The following AOPEP variants were observed in gnomAD, a reference collection of about 807,000 sequenced individuals.
AOPEP encodes aminopeptidase O.
A neutral mutation model predicts 98.1 loss-of-function variants in AOPEP; 77 were observed. The ratio of observed to expected loss-of-function variants is 0.78; its 90% confidence interval spans 0.65 to 0.95. The LOEUF (loss-of-function observed/expected upper bound fraction) is 0.95, where lower values mean the gene tolerates loss of function less well. Ranked by LOEUF, AOPEP falls within the 40% of genes least tolerant of loss-of-function variation. The probability of loss-of-function intolerance (pLI) is 0.00; values close to 1 mark genes in which losing one functional copy is unlikely to be tolerated. For missense variants in AOPEP, 1,024 were observed against 1,024.7 expected (o/e 1.00, Z 0.01); for synonymous variants, 346 against 365.3 (o/e 0.95, Z 0.60).
intron 1 of AOPEP, among the ~76,000 whole-genome samples, chr9:94,758,963 A>T (rs961352370): frequency 2.6e-5 from 4 of 151,976 alleles, no homozygotes; most frequent in African/African-American, 9.7e-5. Context: ...TTGCCACAAG[A>T]AGGCTATTAT....
chr9:94,774,105 C>T (rs1564108709), intron 3 of AOPEP, among the ~76,000 whole-genome samples: 1 of 151,794 alleles, frequency 6.6e-6, no homozygotes, highest in Non-Finnish European at 1.5e-5. Flanking sequence ...ATGGCATCTC[C>T]TTTGAGACCA....
In AOPEP at chr9:95,038,182, CT is replaced by C. The variant is rs1384302844; in HGVS notation, c.2116-22509del. On this transcript the variant is annotated intron_variant, in intron 13 of 16. Transcript: ENST00000375315. ...TAAGCAAGGTGAAAAACAAAAAACA[CT>C]TTCTTTCCAGTTATACCAAAAGTGA... Among the ~76,000 whole-genome samples, 4 of 152,250 alleles carry C rather than the reference CT, an allele frequency of 2.6e-5. No individual in the cohort carries two copies. In the East Asian group the frequency reaches 7.7e-4, roughly 29 times the overall value.
At chr9:95,044,471 C>T (rs1052470034) in intron 13 of AOPEP, among the ~76,000 whole-genome samples, 2 of 152,030 alleles carry the variant, frequency 1.3e-5, no homozygotes, top group Non-Finnish European at 2.9e-5. Context: ...AGCAGCACTC[C>T]GATAATTCTG....
At chr9:94,922,342 G>A (rs975159453) in intron 5 of AOPEP, among the ~76,000 whole-genome samples, 42 of 151,876 alleles carry the variant, frequency 2.8e-4, no homozygotes, top group Non-Finnish European at 4.9e-4. Context: ...GTAAGGACGT[G>A]CGTGTCTGTC....
At chr9:94,841,157 G>T (rs1040771474) in intron 5 of AOPEP, among the ~76,000 whole-genome samples, 4 of 150,760 alleles carry the variant, frequency 2.7e-5, no homozygotes, top group Non-Finnish European at 5.9e-5. Context: ...TGCTTTAGCT[G>T]TGCTCCACAC....
At chr9:94,858,173 C>G (rs2044472294) in intron 5 of AOPEP, among the ~76,000 whole-genome samples, 1 of 151,708 alleles carries the variant, frequency 6.6e-6, no homozygotes, top group South Asian at 2.1e-4. Context: ...AATGCTGATT[C>G]TTGGCCTAGG....
chr9:94,992,760 G>T (rs917829463), intron 11 of AOPEP, among the ~76,000 whole-genome samples: 1 of 152,198 alleles, frequency 6.6e-6, no homozygotes, highest in African/African-American at 2.4e-5. Flanking sequence ...GTCCGGTGCC[G>T]TGCTGAGGCC....
chr9:94,986,257 A>G (rs113981308), intron 11 of AOPEP, among the ~76,000 whole-genome samples: 221 of 152,240 alleles, frequency 1.5e-3, no homozygotes, highest in African/African-American at 5.1e-3. Flanking sequence ...TGCTCTTTTT[A>G]TAAGGACACC....
At chr9:95,041,382 T>G (rs2133573979) in intron 13 of AOPEP, among the ~76,000 whole-genome samples, 2 of 150,552 alleles carry the variant, frequency 1.3e-5, no homozygotes, top group Middle Eastern at 3.5e-3. Flanking sequence ...ATCATCCTTG[T>G]GGTAATTTGA....
intron 3 of AOPEP, among the ~76,000 whole-genome samples, chr9:94,789,033 G>A (rs1845066336): frequency 6.6e-6 from 1 of 152,148 alleles, no homozygotes; most frequent in South Asian, 2.1e-4. Flanking sequence ...GAGCCTTTTG[G>A]AGCTTCTAAG....
At chr9:95,120,610 C>G in the AOPEP span, among the ~76,000 whole-genome samples, 2 of 151,508 alleles carry the variant, frequency 1.3e-5, no homozygotes, top group Non-Finnish European at 2.9e-5. Flanking sequence ...TTTGTAGAGA[C>G]TGGGGTCCCA....
chr9:95,080,206 G>T (rs2069582275), intron 14 of AOPEP, among the ~76,000 whole-genome samples: 1 of 152,214 alleles, frequency 6.6e-6, no homozygotes, highest in Middle Eastern at 3.2e-3. Context: ...TTGACCAACA[G>T]CCCTAATTAG....
At chr9:95,140,936 C>A in the AOPEP span, among the ~76,000 whole-genome samples, 1 of 152,146 alleles carries the variant, frequency 6.6e-6, no homozygotes. Flanking sequence ...GGCAATTACA[C>A]GTCAATATAA....
At chr9:95,144,659 A>T in the AOPEP span, among the ~76,000 whole-genome samples, 2 of 152,248 alleles carry the variant, frequency 1.3e-5, no homozygotes, top group Non-Finnish European at 2.9e-5. Flanking sequence ...TCTCCTGTGA[A>T]ATATATTCCT....
At chr9:94,939,865 TC>T (rs1262236363) in intron 7 of AOPEP, among the ~76,000 whole-genome samples, 1 of 152,184 alleles carries the variant, frequency 6.6e-6, no homozygotes, top group African/African-American at 2.4e-5. Context: ...GGGTTCTACA[TC>T]CCTGGAGTAC....
the AOPEP span, among the ~76,000 whole-genome samples, chr9:95,116,658 G>A: frequency 2.0e-5 from 3 of 152,186 alleles, no homozygotes; most frequent in Non-Finnish European, 4.4e-5. Context: ...GGCCTCAGAG[G>A]GAAAGGATGC....
At chr9:94,956,375 T>G (rs2058456285) in intron 9 of AOPEP, among the ~76,000 whole-genome samples, 1 of 152,240 alleles carries the variant, frequency 6.6e-6, no homozygotes, top group African/African-American at 2.4e-5. Flanking sequence ...TAAACAGATC[T>G]GCATCCAGGC....
intron 5 of AOPEP, among the ~76,000 whole-genome samples, chr9:94,839,910 A>C (rs1010528650): frequency 2.6e-5 from 4 of 152,028 alleles, no homozygotes; most frequent in Admixed American, 2.6e-4. Flanking sequence ...CTGGTGCTAT[A>C]AGCACCCCAC....
intron 11 of AOPEP, among the ~76,000 whole-genome samples, chr9:94,992,815 G>A (rs927268546): frequency 6.6e-6 from 1 of 152,162 alleles, no homozygotes; most frequent in African/African-American, 2.4e-5. Flanking sequence ...AGAAAAGTTG[G>A]GATTTACTTT....
Sources: allele counts gnomAD v4.1 joint callset (sites outside exome capture counted in the v4.1 genomes callset), GRCh38; gene constraint gnomAD v4.1.1; transcripts MANE v1.5; gene names NCBI Gene and HGNC (gene_info 2026-07-23, HGNC 2026-07-21).